CTRB1: variants seen among roughly 807,000 people sequenced by gnomAD.
CTRB1 encodes the protein chymotrypsinogen B1.
A neutral mutation model predicts 20.4 loss-of-function variants in CTRB1; 15 were observed. The observed-to-expected ratio is 0.74, with a 90% CI of 0.49 to 1.13. The LOEUF (loss-of-function observed/expected upper bound fraction) is 1.13, where lower values mean the gene tolerates loss of function less well. CTRB1 is among the 50% of genes most tolerant of loss of function. The pLI is 0.00. For synonymous variants in CTRB1, 92 were observed against 128.4 expected (o/e 0.72, Z 1.92); for missense variants, 227 against 290.1 (o/e 0.78, Z 1.58).
intron 2 of CTRB1, 36 bp downstream of exon 2, chr16:75,222,907 T>C: frequency 7.1e-7 from 1 of 1,406,450 alleles, no homozygotes; most frequent in African/African-American, 1.5e-5. Context: ...GCACCCTGGG[T>C]AGGGGCCAGG....
At chr16:75,219,166 G>A (rs765188818) in intron 1 of CTRB1, 107 bp downstream of exon 1, 54 of 1,195,042 alleles carry the variant, frequency 4.5e-5, no homozygotes, top group Non-Finnish European at 5.4e-5. Context: ...CCCAGCACAG[G>A]TAACCTGAGG....
chr16:75,219,258 C>T (rs2039044002), intron 1 of CTRB1, among the ~76,000 whole-genome samples, 199 bp downstream of exon 1: 1 of 152,164 alleles, frequency 6.6e-6, no homozygotes, highest in African/African-American at 2.4e-5. Flanking sequence ...TGGTCTCTGC[C>T]ATGGTCTGAG....
chr16:75,219,210 GC>G, intron 1 of CTRB1, 151 bp downstream of exon 1: 1 of 747,726 alleles, frequency 1.3e-6, no homozygotes, highest in Non-Finnish European at 2.1e-6. Context: ...GGCTTTCTGA[GC>G]CCACACAACC....
Position 75,224,111 on chromosome 16 carries a change from G to A in CTRB1, c.553G>A (p.Glu185Lys), listed in dbSNP as rs563820594. The change falls in exon 6 of 7, where the codon GAA (glutamate) becomes AAA (lysine). Residue 185 changes from glutamate (E) to lysine (K), a missense_variant. Physicochemically the swap from Glu to Lys is moderately conservative, Grantham distance 56 (BLOSUM62 1). Around this residue, in one of 4 missense-constraint regions of CTRB1, gnomAD observed 36 missense variants for 51.6 expected, o/e 0.70. Transcript: ENST00000361017. The stretch of plus-strand genomic sequence containing the variant: ...AGCCCTGCCCCTCCTGTCCAATGCC[G>A]AATGCAAGAAGTCCTGGGGCAGGAG... ...QAALPLLSNAECKKSWGRRIT... is the reference protein window; with the variant it reads ...QAALPLLSNAKCKKSWGRRIT... The A allele has an allele frequency of 1.5e-4, 210 of 1,368,976 alleles. No individual in the cohort carries two copies. Among genetic ancestry groups the A allele is most frequent in the Middle Eastern group, 1.2e-3 (5 of 4,064 alleles). 84.8% of individuals were successfully genotyped at this position (1,368,976 alleles called of 1,614,324 possible).
intron 1 of CTRB1, 42 bp from the exon 2 acceptor site, chr16:75,222,726 G>C: frequency 6.5e-7 from 1 of 1,533,380 alleles, no homozygotes; most frequent in Non-Finnish European, 8.8e-7. Context: ...AGGCCCAGGT[G>C]GGTTTGGGGC....
intron 1 of CTRB1, among the ~76,000 whole-genome samples, chr16:75,220,946 C>T (rs371012837): frequency 1.3e-5 from 2 of 151,982 alleles, no homozygotes; most frequent in African/African-American, 4.8e-5. Flanking sequence ...TTAGTAGAGA[C>T]AGGGTTTCAT....
chr16:75,221,562 G>A (rs561198143), intron 1 of CTRB1, among the ~76,000 whole-genome samples: 246 of 151,986 alleles, frequency 1.6e-3, no homozygotes, highest in African/African-American at 5.6e-3. Flanking sequence ...GTTTTACTAT[G>A]TTGGCCAGGC....
chr16:75,224,798 A>G lies in CTRB1; in HGVS notation c.724A>G (p.Ser242Gly). 6.2e-7 allele frequency: 1 copy of G among 1,613,968 alleles called. No homozygotes were observed. The highest frequency in any genetic ancestry group is 1.7e-5 in the Admixed American group (1 of 60,010). ...GGGCAGCGACACCTGCTCCACCTCC[A>G]GCCCTGGCGTGTACGCCCGTGTCAC... Reference protein sequence around the residue: ...SWGSDTCSTSSPGVYARVTKL... With the variant: ...SWGSDTCSTSGPGVYARVTKL... The change falls in exon 7 of 7, where the codon AGC (serine) becomes GGC (glycine). Residue 242 changes from serine (S) to glycine (G), a missense_variant. Ser to Gly is a moderately conservative substitution (Grantham distance 56). This residue lies in a region of CTRB1 where 108 missense variants were observed against 76.9 expected (regional missense o/e 1.41). Coordinates refer to ENST00000361017, the MANE Select transcript of CTRB1 (RefSeq NM_001906.6).
At chr16:75,221,823 G>C (rs1296426285) in intron 1 of CTRB1, among the ~76,000 whole-genome samples, 1 of 151,754 alleles carries the variant, frequency 6.6e-6, no homozygotes, top group Non-Finnish European at 1.5e-5. Context: ...AGCACTTTGG[G>C]AGGCCGAGGC....
intron 1 of CTRB1, among the ~76,000 whole-genome samples, chr16:75,221,543 A>G (rs1355958561): frequency 6.6e-6 from 1 of 151,940 alleles, no homozygotes; most frequent in Non-Finnish European, 1.5e-5. Context: ...TATTTTTAGT[A>G]GAGATGGGGT....
chr16:75,220,679 C>T (rs531262847), intron 1 of CTRB1, among the ~76,000 whole-genome samples: 26 of 152,358 alleles, frequency 1.7e-4, no homozygotes, highest in African/African-American at 6.3e-4. Flanking sequence ...TGCATGTTGA[C>T]GTGGAGTTTC....
At position 75,224,736 on chromosome 16, in the gene CTRB1, A is replaced by T; in HGVS notation, c.662A>T (p.Lys221Met). The T allele has an allele frequency of 6.2e-7, 1 of 1,612,830 alleles. No individual in the cohort carries two copies. The highest frequency in any genetic ancestry group is 1.3e-5 in the African/African-American group (1 of 74,968). Residue 221 changes from lysine to methionine, a missense_variant, in exon 7 of 7, where the codon AAG (lysine) becomes ATG (methionine). Around this residue, in one of 4 missense-constraint regions of CTRB1, gnomAD observed 108 missense variants for 76.9 expected, o/e 1.41. Coordinates refer to ENST00000361017, the MANE Select transcript of CTRB1 (RefSeq NM_001906.6). ...GDSGGPLVCQ[K>M]DGAWTLVGIV... ...TCTGGCGGCCCCCTGGTCTGCCAAA[A>T]GGATGGAGCCTGGACCCTGGTGGGC...
chr16:75,221,757 C>T (rs1041856301), intron 1 of CTRB1, among the ~76,000 whole-genome samples: 1 of 151,948 alleles, frequency 6.6e-6, no homozygotes, highest in African/African-American at 2.4e-5. Flanking sequence ...AGGATTGCTT[C>T]AGCCCGGGAA....
intron 1 of CTRB1, among the ~76,000 whole-genome samples, chr16:75,222,241 G>A (rs979577727): frequency 6.6e-6 from 1 of 151,850 alleles, no homozygotes; most frequent in African/African-American, 2.4e-5. Context: ...CAGGGTCCAC[G>A]GTGCCATTTC....
chr16:75,222,064 G>GAAAAAAAAAAAAAAAAAA (rs71158588), intron 1 of CTRB1, among the ~76,000 whole-genome samples: 1 of 108,606 alleles, frequency 9.2e-6, no homozygotes. Flanking sequence ...GTCTCAAAAA[G>GAAAAAAAAAAAAAAAAAA]AAAAAAAAAA....
At chr16:75,221,623 G>A (rs530547105) in intron 1 of CTRB1, among the ~76,000 whole-genome samples, 2 of 151,998 alleles carry the variant, frequency 1.3e-5, no homozygotes, top group Admixed American at 1.3e-4. Flanking sequence ...GCCTCTCAAA[G>A]TGTTAGGATT....
intron 1 of CTRB1, among the ~76,000 whole-genome samples, chr16:75,221,162 A>T (rs536648944): frequency 9.2e-6 from 1 of 108,224 alleles, no homozygotes; most frequent in East Asian, 4.0e-4. Context: ...CCAGAAGGGG[A>T]CAGCTGGTCT....
intron 1 of CTRB1, among the ~76,000 whole-genome samples, chr16:75,220,675 T>C (rs957931531): frequency 1.3e-5 from 2 of 152,280 alleles, no homozygotes; most frequent in Admixed American, 1.3e-4. Flanking sequence ...TTCCTGCATG[T>C]TGACGTGGAG....
At chr16:75,222,395 T>G (rs146636076) in intron 1 of CTRB1, among the ~76,000 whole-genome samples, 32 of 152,286 alleles carry the variant, frequency 2.1e-4, no homozygotes, top group Middle Eastern at 6.8e-3. Flanking sequence ...GCCCTTTTTA[T>G]AGCTGAGGAC....
Sources: gnomAD v4.1 joint callset for allele counts (sites outside exome capture counted in the v4.1 genomes callset) on GRCh38, gnomAD v4.1.1 for gene constraint, gnomAD v4.1.1 regional missense constraint, MANE v1.5 for transcripts, NCBI Gene and HGNC (gene_info 2026-07-23, HGNC 2026-07-21) for gene names.